The following DYNC1I2 variants were observed in gnomAD, a reference collection of about 807,000 sequenced individuals.
DYNC1I2 encodes cytoplasmic dynein 1 intermediate chain 2.
Under a neutral mutation model 88.6 loss-of-function variants are expected in DYNC1I2, and 53 were observed. The observed-to-expected ratio is 0.60, with a 90% CI of 0.48 to 0.75. The LOEUF (loss-of-function observed/expected upper bound fraction) is 0.75. Among genes scored for constraint, DYNC1I2 ranks in the 30% least tolerant of loss-of-function variants. The pLI is 0.00. For missense variants in DYNC1I2, 458 were observed against 766.6 expected (o/e 0.60, Z 4.75); for synonymous variants, 198 against 254.6 (o/e 0.78, Z 2.12).
At chr2:171,689,882 CTTTTTTTTT>C (rs10716223) in intron 1 of DYNC1I2, among the ~76,000 whole-genome samples, 1 of 54,156 alleles carries the variant, frequency 1.8e-5, no homozygotes, top group Non-Finnish European at 3.3e-5. Flanking sequence ...TTTTTCTTGC[CTTTTTTTTT>C]TTTTTTTTTT....
chr2:171,706,405 CTGT>C, intron 3 of DYNC1I2, 139 bp from the exon 4 acceptor site: 2 of 695,238 alleles, frequency 2.9e-6, no homozygotes, highest in Admixed American at 2.3e-5. Flanking sequence ...GCACGTTCAG[CTGT>C]TGTTATATAA....
At chr2:171,728,218 A>G (rs1688374732) in intron 12 of DYNC1I2, 87 bp from the exon 13 acceptor site, 1 of 811,722 alleles carries the variant, frequency 1.2e-6, no homozygotes, top group East Asian at 2.8e-5. Flanking sequence ...GAGACTCGAT[A>G]ATAAACAGAA....
intron 3 of DYNC1I2, among the ~76,000 whole-genome samples, chr2:171,694,889 C>T (rs186880300): frequency 2.0e-5 from 3 of 152,228 alleles, no homozygotes; most frequent in Admixed American, 1.3e-4. Flanking sequence ...TCCCACTAGG[C>T]CCCACTTCCA....
chr2:171,720,669 T>C (rs1326188961), intron 7 of DYNC1I2, among the ~76,000 whole-genome samples: 1 of 152,162 alleles, frequency 6.6e-6, no homozygotes, highest in Admixed American at 6.5e-5. Context: ...AGGCAGAGGT[T>C]GCATTGAGCC....
chr2:171,720,827 A>G (rs986487733), intron 7 of DYNC1I2, among the ~76,000 whole-genome samples: 1 of 152,220 alleles, frequency 6.6e-6, no homozygotes, highest in Non-Finnish European at 1.5e-5. Flanking sequence ...CTATAAGAAT[A>G]TAAACAAAAT....
intron 3 of DYNC1I2, among the ~76,000 whole-genome samples, chr2:171,701,837 A>G (rs541497820): frequency 3.7e-4 from 56 of 152,330 alleles, no homozygotes; most frequent in African/African-American, 1.2e-3. Flanking sequence ...AATTTTCAAC[A>G]AAGGTTTTTC....
chr2:171,690,453 A>G (rs755078287), intron 2 of DYNC1I2, among the ~76,000 whole-genome samples, 190 bp downstream of exon 2: 1 of 152,224 alleles, frequency 6.6e-6, no homozygotes, highest in Non-Finnish European at 1.5e-5. Flanking sequence ...GACTGCAGAC[A>G]TAACACTGTA....
intron 3 of DYNC1I2, among the ~76,000 whole-genome samples, chr2:171,704,697 T>G (rs542645644): frequency 2.0e-5 from 3 of 152,270 alleles, no homozygotes; most frequent in African/African-American, 7.2e-5. Flanking sequence ...TGATTAGTGT[T>G]TCTGTTTTGT....
rs1559414998 is a variant in DYNC1I2 at position 171,748,219 on chromosome 2, T to C, written c.*330T>C. ...AGTTATTTCTAAAGCACAGATGAAATAAGTTCTGCATATTTTTAAATAATC... is the reference window on the plus strand; with the variant it reads ...AGTTATTTCTAAAGCACAGATGAAACAAGTTCTGCATATTTTTAAATAATC... On this transcript the variant is annotated 3_prime_UTR_variant, in exon 18 of 18. Coordinates refer to ENST00000397119, the MANE Select transcript of DYNC1I2 (RefSeq NM_001378.3). The C allele has an allele frequency of 5.2e-6, 1 of 192,600 alleles. No individual in the cohort carries two copies. The highest frequency in any genetic ancestry group is 1.3e-4 in the East Asian group (1 of 7,520). The allele number at this position is 192,600 out of a possible 1,614,324, so 11.9% of individuals were successfully genotyped here.
chr2:171,722,603 G>A (rs939667635), intron 7 of DYNC1I2, among the ~76,000 whole-genome samples: 6 of 152,052 alleles, frequency 3.9e-5, no homozygotes, highest in African/African-American at 4.8e-5. Flanking sequence ...TTTTGGCCAC[G>A]TTAATAGTCC....
intron 7 of DYNC1I2, among the ~76,000 whole-genome samples, chr2:171,722,290 A>G (rs1687951250): frequency 6.6e-6 from 1 of 152,164 alleles, no homozygotes; most frequent in Non-Finnish European, 1.5e-5. Context: ...ACTCAAAGTA[A>G]AAATTCAGTG....
At chr2:171,718,020 C>A (rs1158147087) in intron 7 of DYNC1I2, among the ~76,000 whole-genome samples, 2 of 149,726 alleles carry the variant, frequency 1.3e-5, no homozygotes, top group Non-Finnish European at 3.0e-5. Flanking sequence ...GCAGTGGTGC[C>A]ATCGTAGCTC....
intron 15 of DYNC1I2, among the ~76,000 whole-genome samples, chr2:171,739,309 T>C (rs191342713): frequency 1.1e-3 from 168 of 152,288 alleles, no homozygotes; most frequent in Non-Finnish European, 1.1e-3. Flanking sequence ...TGACATTTAC[T>C]ATCATATCTG....
At chr2:171,729,877 T>C (rs1688493732) in intron 15 of DYNC1I2, 24 bp downstream of exon 15, 6 of 1,612,374 alleles carry the variant, frequency 3.7e-6, no homozygotes, top group Non-Finnish European at 3.4e-6. Flanking sequence ...AGATGTCTGC[T>C]ATTTGCTCAG....
intron 7 of DYNC1I2, among the ~76,000 whole-genome samples, chr2:171,720,063 A>G (rs553777237): frequency 6.9e-6 from 1 of 144,846 alleles, no homozygotes; most frequent in Non-Finnish European, 1.5e-5. Flanking sequence ...TTTTTGAAAG[A>G]TTATTAAAGG....
At chr2:171,735,054 A>G (rs998903435) in intron 15 of DYNC1I2, among the ~76,000 whole-genome samples, 3 of 152,186 alleles carry the variant, frequency 2.0e-5, no homozygotes, top group Non-Finnish European at 4.4e-5. Flanking sequence ...CCAGGAATTG[A>G]GTCCTCATAA....
At chr2:171,721,908 A>G (rs1236752400) in intron 7 of DYNC1I2, among the ~76,000 whole-genome samples, 1 of 152,202 alleles carries the variant, frequency 6.6e-6, no homozygotes, top group Non-Finnish European at 1.5e-5. Context: ...ATTCATAAGT[A>G]GCAATGTTTG....
At chr2:171,717,227 C>T (rs527754143) in intron 7 of DYNC1I2, among the ~76,000 whole-genome samples, 152 of 149,810 alleles carry the variant, frequency 1.0e-3, no homozygotes, top group African/African-American at 3.6e-3. Flanking sequence ...AGTTCTCCCA[C>T]CTCAGCTTCC....
chr2:171,734,981 A>AGACTT (rs1290464271), intron 15 of DYNC1I2, among the ~76,000 whole-genome samples: 1 of 152,234 alleles, frequency 6.6e-6, no homozygotes, highest in African/African-American at 2.4e-5. Flanking sequence ...CTTCACACTC[A>AGACTT]TGAATTTAAC....
Sources: gnomAD v4.1 joint callset for allele counts (sites outside exome capture counted in the v4.1 genomes callset) on GRCh38, gnomAD v4.1.1 for gene constraint, MANE v1.5 for transcripts, NCBI Gene and HGNC (gene_info 2026-07-23, HGNC 2026-07-21) for gene names.